The following NOL10 variants were observed in gnomAD, a reference collection of about 807,000 sequenced individuals.
The protein encoded by NOL10 is H_NH0074G24.1.
In NOL10, 58 loss-of-function variants were observed where a neutral mutation model predicts 103.5. The observed-to-expected ratio is 0.56, with a 90% CI of 0.45 to 0.70. NOL10 has a LOEUF of 0.70. Ranked by LOEUF, NOL10 falls within the 30% of genes least tolerant of loss-of-function variation. The pLI, the probability that NOL10 is intolerant of heterozygous loss-of-function variation, is 0.00. For synonymous variants in NOL10, 287 were observed against 282.5 expected, an observed-to-expected ratio of 1.02 and a Z score of -0.16; for missense variants, 763 against 807.3, an observed-to-expected ratio of 0.95 and a Z score of 0.67.
chr2:10,613,620 T>G (rs1676683757), intron 13 of NOL10, among the ~76,000 whole-genome samples: 1 of 152,242 alleles, frequency 6.6e-6, no homozygotes, highest in Non-Finnish European at 1.5e-5. Context: ...GATGTTTAGT[T>G]AAAAGAATTG....
chr2:10,653,840 A>G (rs1024819870), intron 12 of NOL10, among the ~76,000 whole-genome samples: 5 of 151,960 alleles, frequency 3.3e-5, no homozygotes, highest in African/African-American at 1.2e-4. Context: ...TCTCTCCAGC[A>G]AGCTGTCAAA....
At chr2:10,618,632 C>T (rs1003265019) in intron 13 of NOL10, among the ~76,000 whole-genome samples, 5 of 152,034 alleles carry the variant, frequency 3.3e-5, no homozygotes, top group African/African-American at 1.2e-4. Flanking sequence ...TCCAGGAAGG[C>T]GGCCCAGTTA....
At chr2:10,615,457 G>A (rs4331474) in intron 13 of NOL10, among the ~76,000 whole-genome samples, 89,777 of 151,986 alleles carry the variant, frequency 0.59, 27,527 homozygotes, top group African/African-American at 0.74. Flanking sequence ...AGTGCCTTCA[G>A]TCAAGGGCTA....
chr2:10,670,535 G>C (rs532815552), intron 6 of NOL10, among the ~76,000 whole-genome samples: 49 of 152,232 alleles, frequency 3.2e-4, no homozygotes, highest in African/African-American at 1.0e-3. Flanking sequence ...AGGAGTTCGA[G>C]ACCAGCCTGG....
Position 10,571,816 on chromosome 2 carries a change from G to T in NOL10, c.*255C>A. 2 of 348,998 alleles carry T rather than the reference G, an allele frequency of 5.7e-6. No individual in the cohort carries two copies. Among genetic ancestry groups the T allele is most frequent in the Non-Finnish European group, 5.1e-6 (1 of 194,900 alleles). 21.6% of individuals were successfully genotyped at this position (348,998 alleles called of 1,614,324 possible). A position where few individuals can be genotyped will look rare whatever the true frequency, so the allele number is the denominator to read the frequency against. On this transcript the variant is annotated 3_prime_UTR_variant, in exon 21 of 21. Transcript: ENST00000381685. The stretch of plus-strand genomic sequence containing the variant: ...CCCCAGCCTGGTTTTCATGATTAAC[G>T]CCGTGGGGAAAGGACAATGTTTCCA...
chr2:10,586,836 T>C lies in NOL10; in HGVS notation c.1844+2207A>G, dbSNP rs112034705. ...TTGTATGAGTACAGTATACAATACA[T>C]AGAACATACAAAATATGTGGTAATT... On this transcript the variant is annotated intron_variant, in intron 19 of 20. Transcript: ENST00000381685. Among the ~76,000 whole-genome samples, 611 of 151,708 alleles carry C rather than the reference T, an allele frequency of 4.0e-3. 12 individuals are homozygous for C. Among genetic ancestry groups the C allele is most frequent in the Admixed American group, 0.028 (431 of 15,186 alleles).
chr2:10,677,618 G>A (rs949476452), intron 3 of NOL10, among the ~76,000 whole-genome samples: 1 of 151,416 alleles, frequency 6.6e-6, no homozygotes, highest in Non-Finnish European at 1.5e-5. Context: ...ACCAAGAGGC[G>A]CCTGCCATCA....
intron 11 of NOL10, among the ~76,000 whole-genome samples, chr2:10,655,514 A>G (rs926074388): frequency 5.9e-5 from 9 of 152,160 alleles, no homozygotes; most frequent in Non-Finnish European, 1.0e-4. Flanking sequence ...ACTGTTGGGG[A>G]AAAGTGTTTT....
chr2:10,654,237 G>A (rs1679674714), intron 12 of NOL10, among the ~76,000 whole-genome samples: 1 of 152,136 alleles, frequency 6.6e-6, no homozygotes, highest in South Asian at 2.1e-4. Context: ...TAATAGCTGG[G>A]CGGGCTGAGC....
chr2:10,646,014 G>A (rs1281621880), intron 12 of NOL10, among the ~76,000 whole-genome samples: 1 of 151,734 alleles, frequency 6.6e-6, no homozygotes, highest in Non-Finnish European at 1.5e-5. Context: ...AAAAAAGCAA[G>A]AATAATGTCT....
At chr2:10,687,165 A>G (rs1361482395) in intron 1 of NOL10, among the ~76,000 whole-genome samples, 1 of 149,824 alleles carries the variant, frequency 6.7e-6, no homozygotes, top group Non-Finnish European at 1.5e-5. Context: ...ACCACACCTC[A>G]AAGAAATAAC....
chr2:10,580,586 A>G (rs773469477), intron 19 of NOL10, among the ~76,000 whole-genome samples: 8 of 152,228 alleles, frequency 5.3e-5, no homozygotes, highest in Non-Finnish European at 1.2e-4. Context: ...TGTAGAATGC[A>G]GAAGGCTCCC....
intron 1 of NOL10, among the ~76,000 whole-genome samples, chr2:10,685,488 TCCCCCCC>T (rs56198509): frequency 0.1 from 848 of 8,376 alleles, 105 homozygotes; most frequent in African/African-American, 0.19. Context: ...AGAGACTCCG[TCCCCCCC>T]CCCCCCCCCC....
chr2:10,671,414 T>A, intron 6 of NOL10, 140 bp downstream of exon 6: 1 of 676,060 alleles, frequency 1.5e-6, no homozygotes, highest in Non-Finnish European at 2.2e-6. Flanking sequence ...CTTTTCTTTT[T>A]TTTTTTTTTT....
intron 13 of NOL10, among the ~76,000 whole-genome samples, chr2:10,636,412 C>CA (rs1398889533): frequency 1.7e-3 from 23 of 13,234 alleles, no homozygotes; most frequent in Admixed American, 7.8e-3. Context: ...CCTGTCTCTA[C>CA]AAAAAACCAA....
chr2:10,654,847 T>C (rs1050352457), intron 11 of NOL10, among the ~76,000 whole-genome samples: 1 of 152,146 alleles, frequency 6.6e-6, no homozygotes, highest in African/African-American at 2.4e-5. Flanking sequence ...AAGTTTGAAT[T>C]ATGCATCAAC....
At chr2:10,603,367 C>T (rs1676087032) in intron 14 of NOL10, among the ~76,000 whole-genome samples, 1 of 152,122 alleles carries the variant, frequency 6.6e-6, no homozygotes, top group African/African-American at 2.4e-5. Context: ...TAATACTACA[C>T]ACAAAAATGA....
chr2:10,577,883 A>G (rs753989200), intron 19 of NOL10, 145 bp from the exon 20 acceptor site: 6 of 607,354 alleles, frequency 9.9e-6, no homozygotes, highest in Non-Finnish European at 1.8e-5. Context: ...CAATAAATGG[A>G]AAGAATTAGG....
intron 13 of NOL10, among the ~76,000 whole-genome samples, chr2:10,613,994 C>T (rs1676707154): frequency 1.3e-5 from 2 of 150,856 alleles, no homozygotes; most frequent in South Asian, 2.1e-4. Context: ...GAGTCTCACT[C>T]TGTCACCCAG....
Sources: allele counts gnomAD v4.1 joint callset (sites outside exome capture counted in the v4.1 genomes callset), GRCh38; gene constraint gnomAD v4.1.1; transcripts MANE v1.5; gene names NCBI Gene and HGNC (gene_info 2026-07-23, HGNC 2026-07-21).